ANKRD42: variants seen among roughly 807,000 people sequenced by gnomAD.
ANKRD42 encodes the protein ankyrin repeat domain-containing protein 42.
A neutral mutation model predicts 51.5 loss-of-function variants in ANKRD42; 43 were observed. That is an observed-to-expected ratio of 0.83 (90% CI 0.65 to 1.08). The LOEUF (loss-of-function observed/expected upper bound fraction) is 1.08. Ranked by LOEUF, ANKRD42 falls within the 50% of genes least tolerant of loss-of-function variation. The pLI is 0.00. For synonymous variants in ANKRD42, 203 were observed against 213.0 expected (o/e 0.95, Z 0.41); for missense variants, 608 against 629.3 (o/e 0.97, Z 0.36).
downstream of ANKRD42, among the ~76,000 whole-genome samples, chr11:83,252,327 T>C (rs950203824): frequency 3.3e-5 from 5 of 152,238 alleles, no homozygotes; most frequent in Admixed American, 6.5e-5. Context: ...GCTACCACTT[T>C]GGAAAATTAA....
Position 83,194,645 on chromosome 11 carries a change from C to T in ANKRD42, c.-26C>T, listed in dbSNP as rs1861556628. The T allele has an allele frequency of 6.2e-7, 1 of 1,613,424 alleles. No individual in the cohort carries two copies. ...AGCATCAGGGGCCTGGACTCAACTC[C>T]TCCCCAGAGTCGGAGGTGTTGCGCC... On this transcript the variant is annotated 5_prime_UTR_variant, in exon 1 of 11. Transcript: ENST00000533342.
At chr11:83,223,830 A>G (rs992568089) in intron 5 of ANKRD42, among the ~76,000 whole-genome samples, 2 of 152,192 alleles carry the variant, frequency 1.3e-5, no homozygotes, top group Non-Finnish European at 2.9e-5. Context: ...CTGCCTCTCC[A>G]TAATCAAGAT....
At chr11:83,264,094 ATGTG>A (rs1286997266), downstream of ANKRD42, among the ~76,000 whole-genome samples, 1 of 152,178 alleles carries the variant, frequency 6.6e-6, no homozygotes, top group Non-Finnish European at 1.5e-5. Flanking sequence ...CCACCAAGAT[ATGTG>A]TGTGTGTATG....
chr11:83,231,137 T>C (rs1455949493), intron 7 of ANKRD42, among the ~76,000 whole-genome samples: 1 of 152,214 alleles, frequency 6.6e-6, no homozygotes, highest in East Asian at 1.9e-4. Context: ...ACCTCCAAAC[T>C]GTTCTTCATA....
chr11:83,243,870 T>C (rs12288306), intron 9 of ANKRD42, among the ~76,000 whole-genome samples: 3,187 of 151,806 alleles, frequency 0.021, 96 homozygotes, highest in African/African-American at 0.072. Context: ...TTCACCATGT[T>C]AGCCAGGATG....
At position 83,248,116 on chromosome 11, in the gene ANKRD42, T is replaced by G; in HGVS notation, c.1496T>G (p.Phe499Cys). ...MVGVLFNTFI[F>C]LKKYIQEWPR... ...GGTGTCCTTTTTAATACATTTATTTTTCTCAAGAAGTATATACAAGAGTGG... is the reference window on the plus strand; with the variant it reads ...GGTGTCCTTTTTAATACATTTATTTGTCTCAAGAAGTATATACAAGAGTGG... Residue 499 changes from phenylalanine (F) to cysteine (C), a missense_variant, in exon 11 of 11, where the codon TTT (phenylalanine) becomes TGT (cysteine). Physicochemically the swap from Phe to Cys is radical, Grantham distance 205. Transcript: ENST00000533342. 1 of 1,548,726 alleles carries G rather than the reference T, an allele frequency of 6.5e-7. No homozygotes were observed. Among genetic ancestry groups the G allele is most frequent in the Non-Finnish European group, 8.7e-7 (1 of 1,147,624 alleles).
rs556077609 is a variant in ANKRD42 at position 83,241,616 on chromosome 11, G to A, written c.1195+682G>A. On this transcript the variant is annotated intron_variant, in intron 9 of 10. Transcript: ENST00000533342. Reference sequence around the variant, plus strand: ...TGAGTAGAATCCCTAAGGAAGTGGCGACAGATTGGTCTGAAAGGTAAGCAG... The same window carrying A: ...TGAGTAGAATCCCTAAGGAAGTGGCAACAGATTGGTCTGAAAGGTAAGCAG... Among the ~76,000 whole-genome samples the A allele has an allele frequency of 7.9e-5, 12 of 152,254 alleles. 1 individual carries two copies. The highest frequency in any genetic ancestry group is 1.9e-4 in the African/African-American group (8 of 41,556).
rs1185371651 is a variant in ANKRD42 at position 83,194,104 on chromosome 11, C to G, written c.-567C>G. On this transcript the variant is annotated 5_prime_UTR_variant, in exon 1 of 11. Transcript: ENST00000533342. ...AGTTAGGGGAGATAGTGGCCACAGT[C>G]ACAGCTGCTCTTGGGAGAGAGTTAG... The G allele has an allele frequency of 2.2e-6, 1 of 456,510 alleles. No individual in the cohort carries two copies. The highest frequency in any genetic ancestry group is 6.9e-5 in the East Asian group (1 of 14,398). 28.3% of individuals were successfully genotyped at this position (456,510 alleles called of 1,614,324 possible).
In ANKRD42 at chr11:83,211,208, A is replaced by T. The variant is rs1051611983; in HGVS notation, c.451-87A>T. The T allele has an allele frequency of 5.2e-6, 8 of 1,543,006 alleles. No individual in the cohort carries two copies. The East Asian group carries it at 6.7e-5, about 13-fold the overall frequency. On this transcript the variant is annotated intron_variant, in intron 4 of 10. Transcript: ENST00000533342. ...CTTCTTGTATTAAGAACAGCCTCCA[A>T]TTCTTATTTACAGAATTAAGCTGCT...
intron 7 of ANKRD42, among the ~76,000 whole-genome samples, chr11:83,230,119 A>G (rs540615933): frequency 2.0e-5 from 3 of 152,114 alleles, no homozygotes; most frequent in Non-Finnish European, 4.4e-5. Context: ...TGGGGCGATC[A>G]CGACTAACTG....
At chr11:83,213,542 T>C in intron 5 of ANKRD42, 1 of 1,279,082 alleles carries the variant, frequency 7.8e-7, no homozygotes, top group Non-Finnish European at 9.9e-7. Context: ...TTTTCACATA[T>C]GGTATTATTA....
At chr11:83,249,227 C>G (rs1165497675), downstream of ANKRD42, among the ~76,000 whole-genome samples, 1 of 152,062 alleles carries the variant, frequency 6.6e-6, no homozygotes, top group Non-Finnish European at 1.5e-5. Flanking sequence ...TTTTTTTGGA[C>G]AGGGTGTTGC....
chr11:83,203,022 G>A (rs1179966123), intron 2 of ANKRD42, among the ~76,000 whole-genome samples: 1 of 118,202 alleles, frequency 8.5e-6, no homozygotes, highest in Non-Finnish European at 1.8e-5. Context: ...ACAGGGTATC[G>A]CTCTTGTTTC....
At chr11:83,225,491 G>C (rs1392331410) in intron 6 of ANKRD42, among the ~76,000 whole-genome samples, 2 of 151,660 alleles carry the variant, frequency 1.3e-5, no homozygotes, top group Non-Finnish European at 2.9e-5. Context: ...ATTGAGCCCA[G>C]GAAGTCAAGG....
chr11:83,197,779 C>G (rs181440574), intron 1 of ANKRD42, among the ~76,000 whole-genome samples: 319 of 152,236 alleles, frequency 2.1e-3, no homozygotes, highest in Middle Eastern at 3.4e-3. Flanking sequence ...AATTAAAAAT[C>G]GTGGCCTGCC....
At chr11:83,214,408 C>G (rs1862449056) in intron 5 of ANKRD42, 1 of 981,462 alleles carries the variant, frequency 1.0e-6, no homozygotes, top group African/African-American at 1.7e-5. Flanking sequence ...TGTCCTTTAT[C>G]AAATATACTT....
rs397712582 is a variant in ANKRD42 at position 83,239,015 on chromosome 11, A to AT, written c.1020-1740dup. On this transcript the variant is annotated intron_variant, in intron 8 of 10. Coordinates refer to ENST00000533342, the MANE Select transcript of ANKRD42 (RefSeq NM_001300975.2). ...CTGAGCTAGACCCTCAAAAAAAAAA[A>AT]TTTTGCATTTCTGTCAGCAATGGAT... Among the ~76,000 whole-genome samples, 519 of 150,296 alleles carry AT rather than the reference A, an allele frequency of 3.5e-3. 2 individuals carry two copies. Among genetic ancestry groups the AT allele is most frequent in the South Asian group, 0.017 (80 of 4,732 alleles).
intron 9 of ANKRD42, 47 bp downstream of exon 9, chr11:83,240,981 A>C: frequency 6.4e-7 from 1 of 1,556,948 alleles, no homozygotes; most frequent in Non-Finnish European, 8.7e-7. Context: ...GAAATACCAC[A>C]GCCACTTTTT....
Position 83,227,728 on chromosome 11 carries a change from T to C in ANKRD42, c.788-19T>C, listed in dbSNP as rs1346937541. On this transcript the variant is annotated intron_variant, in intron 6 of 10. Coordinates refer to ENST00000533342, the MANE Select transcript of ANKRD42 (RefSeq NM_001300975.2). ...TAAACTCTTATGTTTATTGAAATGC[T>C]GAATTTTTTTATTCATAGCTTTAGC... is the stretch of plus-strand genomic sequence containing the variant. 6.3e-7 allele frequency: 1 copy of C among 1,596,014 alleles called. No homozygotes were observed. The highest frequency in any genetic ancestry group is 2.2e-5 in the East Asian group (1 of 44,688).
Sources: gnomAD v4.1 joint callset for allele counts (sites outside exome capture counted in the v4.1 genomes callset) on GRCh38, gnomAD v4.1.1 for gene constraint, MANE v1.5 for transcripts, NCBI Gene and HGNC (gene_info 2026-07-23, HGNC 2026-07-21) for gene names.